The following HMGA2 variants were observed in gnomAD, a reference collection of about 807,000 sequenced individuals.
The protein encoded by HMGA2 is high mobility group AT-hook 2, also known as high mobility group protein HMGI-C.
Under a neutral mutation model 19.1 loss-of-function variants are expected in HMGA2, and 8 were observed. The observed-to-expected ratio is 0.42, with a 90% CI of 0.25 to 0.76. The LOEUF (loss-of-function observed/expected upper bound fraction) is 0.76. HMGA2 is among the 30% of genes least tolerant of loss of function. The pLI is 0.28. For synonymous variants in HMGA2, 60 were observed against 48.8 expected, an observed-to-expected ratio of 1.23 and a Z score of -0.96; for missense variants, 109 against 136.3, an observed-to-expected ratio of 0.80 and a Z score of 1.00.
chr12:65,849,516 T>A (rs944744849), intron 3 of HMGA2, among the ~76,000 whole-genome samples: 1 of 152,192 alleles, frequency 6.6e-6, no homozygotes, highest in African/African-American at 2.4e-5. Context: ...TACAAATCAA[T>A]AAATAAATCC....
intron 3 of HMGA2, among the ~76,000 whole-genome samples, chr12:65,901,602 A>T (rs1874375023): frequency 6.6e-6 from 1 of 152,218 alleles, no homozygotes; most frequent in Admixed American, 6.5e-5. Flanking sequence ...GGTGTATGGA[A>T]TTTGAAAACA....
chr12:65,965,275 T>C lies in HMGA2; in HGVS notation c.*1983T>C, dbSNP rs907203395. ...AATGCTTGACAAATATTTTCATGTA[T>C]TTTACACAAATGTGATTTTTGTAAT... On this transcript the variant is annotated 3_prime_UTR_variant, in exon 5 of 5. Coordinates refer to ENST00000403681, the MANE Select transcript of HMGA2 (RefSeq NM_003483.6). 3 of 203,660 alleles carry C rather than the reference T, an allele frequency of 1.5e-5. No homozygotes were observed. Among genetic ancestry groups the C allele is most frequent in the African/African-American group, 6.9e-5 (3 of 43,656 alleles). The allele number at this position is 203,660 out of a possible 1,614,324, so 12.6% of individuals were successfully genotyped here. A position where few individuals can be genotyped will look rare whatever the true frequency, so the allele number is the denominator to read the frequency against.
intron 3 of HMGA2, among the ~76,000 whole-genome samples, chr12:65,888,683 C>T (rs1362829003): frequency 1.4e-5 from 2 of 147,736 alleles, no homozygotes; most frequent in African/African-American, 2.5e-5. Context: ...CCTGCCTCAG[C>T]CTCCTGAGTA....
intron 3 of HMGA2, among the ~76,000 whole-genome samples, chr12:65,863,212 A>C (rs750627422): frequency 1.3e-4 from 20 of 152,244 alleles, no homozygotes; most frequent in Non-Finnish European, 2.4e-4. Context: ...TGGAAAAGTT[A>C]AGGTTTTGTT....
chr12:65,859,544 C>T (rs777818396), intron 3 of HMGA2: 1 of 152,198 alleles, frequency 6.6e-6, no homozygotes, highest in South Asian at 2.1e-4. Context: ...ATGAACAGGA[C>T]GAACACTTTC....
chr12:65,963,010 A>G (rs1876796116), intron 4 of HMGA2, among the ~76,000 whole-genome samples: 1 of 152,136 alleles, frequency 6.6e-6, no homozygotes, highest in South Asian at 2.1e-4. Context: ...ACCAGCCGCC[A>G]TGATGTCAAG....
intron 3 of HMGA2, among the ~76,000 whole-genome samples, chr12:65,838,998 CTTTTTTT>C: frequency 9.3e-6 from 1 of 107,230 alleles, no homozygotes; most frequent in Non-Finnish European, 1.7e-5. Context: ...TTTTCTTTTT[CTTTTTTT>C]TTTTTGGTTT....
chr12:65,847,343 C>T (rs896830683), intron 3 of HMGA2, among the ~76,000 whole-genome samples: 2 of 152,028 alleles, frequency 1.3e-5, no homozygotes, highest in Non-Finnish European at 2.9e-5. Context: ...TTCTGTTGAG[C>T]CATTTAACAT....
intron 3 of HMGA2, among the ~76,000 whole-genome samples, chr12:65,841,274 G>A (rs1164451703): frequency 6.6e-6 from 1 of 152,146 alleles, no homozygotes; most frequent in Non-Finnish European, 1.5e-5. Context: ...TTGCCTTTCT[G>A]AGAATAGCTG....
intron 3 of HMGA2, among the ~76,000 whole-genome samples, chr12:65,864,732 T>G (rs1872298058): frequency 6.6e-6 from 1 of 152,204 alleles, no homozygotes; most frequent in Admixed American, 6.5e-5. Context: ...TCTTCTGGAT[T>G]GTATGTGCAG....
At chr12:65,855,443 C>CTT (rs2120943998) in intron 3 of HMGA2, among the ~76,000 whole-genome samples, 1 of 85,980 alleles carries the variant, frequency 1.2e-5, no homozygotes, top group South Asian at 4.4e-4. Context: ...TTCTCTTTCT[C>CTT]TCTCTCTCTC....
intron 3 of HMGA2, among the ~76,000 whole-genome samples, chr12:65,944,717 T>C (rs964602814): frequency 6.6e-6 from 1 of 152,188 alleles, no homozygotes; most frequent in Non-Finnish European, 1.5e-5. Flanking sequence ...TTGCTGATAA[T>C]TGATTGGTTC....
chr12:65,861,329 G>A (rs1025841692), intron 3 of HMGA2, among the ~76,000 whole-genome samples: 12 of 152,026 alleles, frequency 7.9e-5, no homozygotes, highest in Admixed American at 1.3e-4. Context: ...TCGTGCCACC[G>A]CACCTCCAGC....
chr12:65,941,441 T>C (rs545671351), intron 3 of HMGA2, among the ~76,000 whole-genome samples: 18 of 152,330 alleles, frequency 1.2e-4, no homozygotes, highest in South Asian at 6.2e-4. Flanking sequence ...GAATAGTTAA[T>C]GTTTCTCGGA....
At chr12:65,895,353 A>G in intron 3 of HMGA2, among the ~76,000 whole-genome samples, 1 of 152,094 alleles carries the variant, frequency 6.6e-6, no homozygotes, top group East Asian at 1.9e-4. Flanking sequence ...GAAAAAAAAA[A>G]CCTTTTGAGA....
Position 65,890,887 on chromosome 12 carries a change from C to G in HMGA2, c.249+52318C>G, listed in dbSNP as rs1025887684. Reference sequence around the variant, plus strand: ...CCCTGGTGTGCATCACCGTGCCCGGCTTTTTTTGCATTTTTTGTAGAGACG... The same window carrying G: ...CCCTGGTGTGCATCACCGTGCCCGGGTTTTTTTGCATTTTTTGTAGAGACG... On this transcript the variant is annotated intron_variant, in intron 3 of 4. Transcript: ENST00000403681. Among the ~76,000 whole-genome samples the G allele has an allele frequency of 4.6e-5, 7 of 152,102 alleles. 1 individual carries two copies. The highest frequency in any genetic ancestry group is 4.6e-4 in the Admixed American group (7 of 15,276).
intron 3 of HMGA2, among the ~76,000 whole-genome samples, chr12:65,937,183 C>T (rs1245971018): frequency 6.6e-6 from 1 of 152,136 alleles, no homozygotes; most frequent in Non-Finnish European, 1.5e-5. Context: ...ATCAGAGATA[C>T]CTGCACATCT....
At chr12:65,843,801 C>G (rs1159567250) in intron 3 of HMGA2, among the ~76,000 whole-genome samples, 2 of 152,074 alleles carry the variant, frequency 1.3e-5, no homozygotes, top group Non-Finnish European at 2.9e-5. Context: ...GTAATCCCAG[C>G]ACTTTGGGAG....
intron 3 of HMGA2, among the ~76,000 whole-genome samples, chr12:65,945,012 G>A (rs958317330): frequency 6.6e-6 from 1 of 152,012 alleles, no homozygotes; most frequent in African/African-American, 2.4e-5. Context: ...GGGACTAAAA[G>A]CATGTGCCAA....
Sources: allele counts gnomAD v4.1 joint callset (sites outside exome capture counted in the v4.1 genomes callset), GRCh38; gene constraint gnomAD v4.1.1; transcripts MANE v1.5; gene names NCBI Gene and HGNC (gene_info 2026-07-23, HGNC 2026-07-21).